Variants in MFAP1 observed in about 807,000 individuals in gnomAD.
The protein encoded by MFAP1 is microfibril associated protein 1, also known as microfibrillar-associated protein 1.
In MFAP1, 18 loss-of-function variants were observed where a neutral mutation model predicts 62.2. The observed-to-expected ratio is 0.29, with a 90% CI of 0.20 to 0.43. The LOEUF (loss-of-function observed/expected upper bound fraction) is 0.43, where lower values mean the gene tolerates loss of function less well. Among genes scored for constraint, MFAP1 ranks in the 20% least tolerant of loss-of-function variants. MFAP1 has a pLI of 1.00. For synonymous variants in MFAP1, 175 were observed against 180.4 expected (o/e 0.97, Z 0.24); for missense variants, 355 against 559.7 (o/e 0.63, Z 3.69).
At chr15:43,816,586 T>C (rs1245365039) in intron 2 of MFAP1, among the ~76,000 whole-genome samples, 3 of 152,174 alleles carry the variant, frequency 2.0e-5, no homozygotes, top group Non-Finnish European at 2.9e-5. Flanking sequence ...TATTAGGACA[T>C]AAATACTTAT....
At chr15:43,811,904 G>A (rs1184062166) in intron 6 of MFAP1, among the ~76,000 whole-genome samples, 1 of 151,932 alleles carries the variant, frequency 6.6e-6, no homozygotes, top group African/African-American at 2.4e-5. Context: ...AAATGATTCT[G>A]CTGGGGCCGG....
At chr15:43,817,541 G>C in intron 1 of MFAP1, 93 bp from the exon 2 acceptor site, 1 of 1,197,500 alleles carries the variant, frequency 8.4e-7, no homozygotes, top group Non-Finnish European at 1.2e-6. Context: ...TTTATTCATA[G>C]TAGACAAGAG....
chr15:43,824,577 G>A lies in MFAP1; in HGVS notation c.-8C>T, dbSNP rs2087487534. ...AGCGCTTGGGACCGACATGTTGATGGCAGCGACGGTGATTCCCGAAACTTG... is the reference window on the plus strand; with the variant it reads ...AGCGCTTGGGACCGACATGTTGATGACAGCGACGGTGATTCCCGAAACTTG... On this transcript the variant is annotated 5_prime_UTR_variant, in exon 1 of 9. Coordinates refer to ENST00000267812, the MANE Select transcript of MFAP1 (RefSeq NM_005926.3). 2 of 1,614,124 alleles carry A rather than the reference G, an allele frequency of 1.2e-6. No homozygotes were observed. The highest frequency in any genetic ancestry group is 1.3e-5 in the African/African-American group (1 of 75,040).
chr15:43,815,204 G>A (rs888244190), intron 2 of MFAP1, 130 bp from the exon 3 acceptor site: 3 of 1,164,628 alleles, frequency 2.6e-6, no homozygotes, highest in Non-Finnish European at 3.6e-6. Flanking sequence ...TTTTGAGGCA[G>A]GGTCTTGCTC....
chr15:43,812,300 C>T (rs190042866), intron 6 of MFAP1, among the ~76,000 whole-genome samples: 3 of 152,124 alleles, frequency 2.0e-5, no homozygotes, highest in Admixed American at 6.6e-5. Context: ...CTTTGCTGCT[C>T]CTCCTCTGCA....
intron 3 of MFAP1, 51 bp from the exon 4 acceptor site, chr15:43,814,739 G>A: frequency 6.3e-7 from 1 of 1,579,486 alleles, no homozygotes; most frequent in East Asian, 2.2e-5. Context: ...ATGGCTTTTT[G>A]TTCGTCTCAT....
chr15:43,813,259 T>C lies in MFAP1; in HGVS notation c.716A>G (p.Tyr239Cys). ...AKRMAEERRK[Y>C]TLKIVEEETK... ...ACCACTCCCCAGTACCTTGAGTGTG[T>C]ACTTGCGCCTTTCCTCAGCCATGCG... is the stretch of plus-strand genomic sequence containing the variant. Residue 239 changes from tyrosine to cysteine, a missense_variant, in exon 5 of 9, where the codon TAC (tyrosine) becomes TGC (cysteine). By Grantham distance (194) the Tyr-to-Cys change is radical (BLOSUM62 -2). Transcript: ENST00000267812. 2 of 1,613,830 alleles carry C rather than the reference T, an allele frequency of 1.2e-6. No homozygotes were observed. Among genetic ancestry groups the C allele is most frequent in the Non-Finnish European group, 1.7e-6 (2 of 1,179,974 alleles).
rs1029953028 is a variant in MFAP1 at position 43,804,712 on chromosome 15, T to C, written c.*382A>G. 3.0e-5 allele frequency: 5 copies of C among 166,400 alleles called. No homozygotes were observed. The highest frequency in any genetic ancestry group is 6.4e-5 in the Non-Finnish European group (5 of 78,116). The allele number at this position is 166,400 out of a possible 1,614,324, so 10.3% of individuals were successfully genotyped here. On this transcript the variant is annotated 3_prime_UTR_variant, in exon 9 of 9. Coordinates refer to ENST00000267812, the MANE Select transcript of MFAP1 (RefSeq NM_005926.3). ...GAGCTTAGATTTCCGGGTATATTAC[T>C]CCTAAACCTAAGGTAGAAGTAATGC...
chr15:43,821,361 T>A (rs529761226), intron 1 of MFAP1, among the ~76,000 whole-genome samples: 1 of 152,118 alleles, frequency 6.6e-6, no homozygotes, highest in South Asian at 2.1e-4. Context: ...CATTAAAAGT[T>A]GTCTCCAGGC....
intron 1 of MFAP1, among the ~76,000 whole-genome samples, chr15:43,822,483 C>T (rs1341000590): frequency 6.6e-6 from 1 of 152,176 alleles, no homozygotes; most frequent in Non-Finnish European, 1.5e-5. Context: ...AAGTGATTCT[C>T]CTGCCTCAGC....
chr15:43,818,259 T>C (rs2087446583), intron 1 of MFAP1, among the ~76,000 whole-genome samples: 1 of 152,004 alleles, frequency 6.6e-6, no homozygotes, highest in African/African-American at 2.4e-5. Context: ...GACCTCATGA[T>C]CCGCCCACCT....
chr15:43,811,826 G>GTTT (rs1228041507), intron 6 of MFAP1, among the ~76,000 whole-genome samples: 1 of 152,014 alleles, frequency 6.6e-6, no homozygotes, highest in African/African-American at 2.4e-5. Context: ...TCTATTGATG[G>GTTT]TTTCCTTTGT....
rs1353665698 is a variant in MFAP1, at chr15:43,817,402, T to C, written c.126A>G (p.Gly42=). 5 of 1,614,084 alleles carry C rather than the reference T, an allele frequency of 3.1e-6. No homozygotes were observed. Among genetic ancestry groups the C allele is most frequent in the Non-Finnish European group, 4.2e-6 (5 of 1,180,042 alleles). ...CCATAGGGGCATAGTCTGGCCTTTT[T>C]CCGGACACATAACGCTTTACCTTCA... is the stretch of plus-strand genomic sequence containing the variant. The part of the protein sequence containing the change: ...EKVKVKRYVS[G]KRPDYAPMES... The change falls in exon 2 of 9, where the codon GGA becomes GGG. Residue 42 remains glycine (G), a synonymous_variant. Coordinates refer to ENST00000267812, the MANE Select transcript of MFAP1 (RefSeq NM_005926.3).
chr15:43,812,836 A>T, intron 6 of MFAP1, 151 bp downstream of exon 6: 1 of 934,252 alleles, frequency 1.1e-6, no homozygotes. Flanking sequence ...AGCAAGTGAA[A>T]CTCATATTCC....
intron 7 of MFAP1, among the ~76,000 whole-genome samples, chr15:43,806,060 C>T (rs542014905): frequency 6.6e-6 from 1 of 150,858 alleles, no homozygotes; most frequent in African/African-American, 2.4e-5. Flanking sequence ...CAGGATCAAA[C>T]GATGCTCTCA....
At chr15:43,823,139 A>C in intron 1 of MFAP1, among the ~76,000 whole-genome samples, 1 of 150,978 alleles carries the variant, frequency 6.6e-6, no homozygotes, top group Admixed American at 6.6e-5. Context: ...GCCGGGCCCT[A>C]ATTTTTATTT....
chr15:43,813,174 G>T, intron 5 of MFAP1, 27 bp from the exon 6 acceptor site: 1 of 1,613,858 alleles, frequency 6.2e-7, no homozygotes, highest in Non-Finnish European at 8.5e-7. Context: ...ATTCAGCTTG[G>T]ACTTCCTTAC....
At position 43,824,642 on chromosome 15, in the gene MFAP1, A is replaced by G. The variant is rs2087488123; in HGVS notation, c.-73T>C. The G allele has an allele frequency of 6.6e-7, 1 of 1,504,610 alleles. No individual in the cohort carries two copies. The highest frequency in any genetic ancestry group is 1.7e-5 in the Admixed American group (1 of 58,646). The allele number at this position is 1,504,610 out of a possible 1,614,324, so 93.2% of individuals were successfully genotyped here. A position where few individuals can be genotyped will look rare whatever the true frequency, so the allele number is the denominator to read the frequency against. On this transcript the variant is annotated 5_prime_UTR_variant, in exon 1 of 9. Transcript: ENST00000267812. ...GTGAACACCAGCAACGTCAACGAAG[A>G]GAAGAAATTCCTTCCACCTGAGTCC...
intron 7 of MFAP1, among the ~76,000 whole-genome samples, 191 bp from the exon 8 acceptor site, chr15:43,805,656 A>G (rs916841533): frequency 6.6e-6 from 1 of 151,390 alleles, no homozygotes; most frequent in African/African-American, 2.4e-5. Flanking sequence ...TCTGTTGCCC[A>G]GGCTGGAGTG....
Sources: allele counts gnomAD v4.1 joint callset (sites outside exome capture counted in the v4.1 genomes callset), GRCh38; gene constraint gnomAD v4.1.1; transcripts MANE v1.5; gene names NCBI Gene and HGNC (gene_info 2026-07-23, HGNC 2026-07-21).